TSC22D3: variants seen among roughly 807,000 people sequenced by gnomAD.
The protein encoded by TSC22D3 is TSC22 domain family member 3, also known as TSC22 domain family protein 3.
TSC22D3 carries 4 observed loss-of-function variants against 11.1 expected under a neutral mutation model. The ratio of observed to expected loss-of-function variants is 0.36; its 90% CI spans 0.18 to 0.83. TSC22D3 has a LOEUF of 0.83. Among genes scored for constraint, TSC22D3 ranks in the 40% least tolerant of loss-of-function variants. The pLI, the probability that TSC22D3 is intolerant of heterozygous loss-of-function variation, is 0.48. For synonymous variants in TSC22D3, 77 were observed against 70.3 expected (o/e 1.10, Z -0.48); for missense variants, 118 against 159.4 (o/e 0.74, Z 1.40).
chrX:107,767,694 A>G (rs1026724064), intron 1 of TSC22D3, among the ~76,000 whole-genome samples: 5 of 111,814 alleles, frequency 4.5e-5, no homozygotes, highest in African/African-American at 1.6e-4. Context: ...CTCTTCATCA[A>G]ACCTAGGTTG....
At chrX:107,760,696 C>T (rs1929401293) in intron 1 of TSC22D3, among the ~76,000 whole-genome samples, 1 of 112,609 alleles carries the variant, frequency 8.9e-6, no homozygotes, top group Admixed American at 9.3e-5. Context: ...GAGATCTTCC[C>T]CAGTTGCTAT....
intron 1 of TSC22D3, among the ~76,000 whole-genome samples, chrX:107,734,023 G>A (rs1928009466): frequency 8.9e-6 from 1 of 112,065 alleles, no homozygotes; most frequent in Middle Eastern, 4.6e-3. Flanking sequence ...AGTCCTCCCT[G>A]GCCTAGTGCC....
At chrX:107,772,078 C>A (rs1035867000) in intron 1 of TSC22D3, among the ~76,000 whole-genome samples, 7 of 112,205 alleles carry the variant, frequency 6.2e-5, no homozygotes, top group Non-Finnish European at 1.1e-4. Context: ...CAGCCCTACC[C>A]TCAAATTGCT....
At chrX:107,732,964 G>A (rs1466805475) in intron 1 of TSC22D3, among the ~76,000 whole-genome samples, 2 of 110,427 alleles carry the variant, frequency 1.8e-5, no homozygotes, top group Non-Finnish European at 3.8e-5. Context: ...AGCCAGGCAT[G>A]GTGGTGCACA....
intron 1 of TSC22D3, among the ~76,000 whole-genome samples, chrX:107,736,733 TGACCA>T (rs1459383645): frequency 9.0e-6 from 1 of 110,991 alleles, no homozygotes. Context: ...CTTCCAGGCA[TGACCA>T]GATCCAGCAA....
chrX:107,771,740 G>T (rs1929914542), intron 1 of TSC22D3, among the ~76,000 whole-genome samples: 1 of 112,222 alleles, frequency 8.9e-6, no homozygotes, highest in African/African-American at 3.2e-5. Context: ...AGATTGAAAG[G>T]ATGGTGTTTA....
intron 1 of TSC22D3, among the ~76,000 whole-genome samples, chrX:107,742,306 AGAGAGAGAGAGAGT>A (rs1321151722): frequency 1.3e-3 from 115 of 89,016 alleles, no homozygotes; most frequent in African/African-American, 4.7e-3. Context: ...AGAGAGAGAG[AGAGAGAGAGAGAGT>A]GTGTGTGCGC....
At chrX:107,728,067 G>C (rs1927725171) in intron 1 of TSC22D3, among the ~76,000 whole-genome samples, 1 of 111,323 alleles carries the variant, frequency 9.0e-6, no homozygotes, top group African/African-American at 3.3e-5. Flanking sequence ...TAAACCTTGT[G>C]AGGGCAGGGG....
chrX:107,728,419 A>G (rs777342260), intron 1 of TSC22D3, among the ~76,000 whole-genome samples: 1 of 112,962 alleles, frequency 8.9e-6, no homozygotes, highest in Non-Finnish European at 1.9e-5. Flanking sequence ...AAAAGGGATA[A>G]TTCACCCATG....
intron 1 of TSC22D3, among the ~76,000 whole-genome samples, chrX:107,736,094 T>C (rs1304631076): frequency 8.9e-6 from 1 of 112,003 alleles, no homozygotes; most frequent in Non-Finnish European, 1.9e-5. Flanking sequence ...AGGCCTTGGC[T>C]CGCCAGCCAC....
At chrX:107,725,570 C>T (rs16985270) in intron 1 of TSC22D3, among the ~76,000 whole-genome samples, 2,746 of 111,775 alleles carry the variant, frequency 0.025, 81 homozygotes, top group African/African-American at 0.084. Flanking sequence ...CACATTCGGA[C>T]GAGGCTTGGC....
chrX:107,739,711 C>T (rs1159425289), intron 1 of TSC22D3, among the ~76,000 whole-genome samples: 2 of 112,807 alleles, frequency 1.8e-5, no homozygotes, highest in African/African-American at 6.4e-5. Context: ...GAAGCCCTAT[C>T]TGGGAGGGAC....
At chrX:107,716,174 C>CTCTGCCTCCGGCTGCCTCTGCGGCTGCA in intron 1 of TSC22D3, 1 of 694,103 alleles carries the variant, frequency 1.4e-6, no homozygotes, top group Non-Finnish European at 2.0e-6. Context: ...GCCGCCGCCC[C>CTCTGCCTCCGGCTGCCTCTGCGGCTGCA]GAGTTCCAAC....
chrX:107,720,315 T>C (rs1217598995), intron 1 of TSC22D3, among the ~76,000 whole-genome samples: 1 of 112,009 alleles, frequency 8.9e-6, no homozygotes, highest in African/African-American at 3.3e-5. Context: ...TGAGACCTTA[T>C]GATCCTCCAT....
At chrX:107,767,115 G>A (rs1929703256) in intron 1 of TSC22D3, among the ~76,000 whole-genome samples, 1 of 111,718 alleles carries the variant, frequency 9.0e-6, no homozygotes, top group Non-Finnish European at 1.9e-5. Context: ...CACGGAGCGG[G>A]AATCCTGGCC....
At chrX:107,716,529 C>G in intron 1 of TSC22D3, 1 of 944,027 alleles carries the variant, frequency 1.1e-6, no homozygotes. Context: ...GCGGCGGTGA[C>G]CCCCCCCTTC....
rs773980001 is a variant in TSC22D3 at position 107,766,568 on chromosome X, C to T, written c.320+8532G>A. Among the ~76,000 whole-genome samples, 7 of 107,465 alleles carry T rather than the reference C, an allele frequency of 6.5e-5. No homozygotes were observed. In the South Asian group the frequency reaches 2.1e-3, roughly 32 times the overall value. The allele number at this position is 107,465 out of a possible 115,157, so 93.3% of individuals were successfully genotyped here. The stretch of plus-strand genomic sequence containing the variant: ...TGTTCTGGGGCCTCTCCATGCACCA[C>T]GCAGTTTCTTTAGCAGTGCATTATC... On this transcript the variant is annotated intron_variant, in intron 1 of 2. Coordinates refer to ENST00000372383, the MANE Select transcript of TSC22D3 (RefSeq NM_198057.3).
intron 1 of TSC22D3, among the ~76,000 whole-genome samples, chrX:107,754,997 G>A (rs904321170): frequency 8.9e-6 from 1 of 112,017 alleles, no homozygotes; most frequent in Non-Finnish European, 1.9e-5. Context: ...ATCAGAGGAT[G>A]GATTTGGGTG....
chrX:107,724,619 A>T (rs759807157), intron 1 of TSC22D3, among the ~76,000 whole-genome samples: 12 of 112,806 alleles, frequency 1.1e-4, no homozygotes, highest in Non-Finnish European at 1.5e-4. Context: ...ACTCTAGCCC[A>T]TGCCAGAATG....
Sources: allele counts gnomAD v4.1 joint callset (sites outside exome capture counted in the v4.1 genomes callset), GRCh38; gene constraint gnomAD v4.1.1; transcripts MANE v1.5; gene names NCBI Gene and HGNC (gene_info 2026-07-23, HGNC 2026-07-21).